PHF20: variants seen among roughly 807,000 people sequenced by gnomAD.
The protein encoded by PHF20 is PHD finger protein 20.
A neutral mutation model predicts 113.5 loss-of-function variants in PHF20; 23 were observed. The observed-to-expected ratio is 0.20, with a 90% CI of 0.15 to 0.29. The LOEUF is 0.29. Ranked by LOEUF, PHF20 falls within the 10% of genes least tolerant of loss-of-function variation. The pLI, the probability that PHF20 is intolerant of heterozygous loss-of-function variation, is 1.00. For synonymous variants in PHF20, 434 were observed against 457.3 expected (o/e 0.95, Z 0.65); for missense variants, 943 against 1,219.6 (o/e 0.77, Z 3.38).
At chr20:35,947,406 G>C in intron 17 of PHF20, 79 bp from the exon 18 acceptor site, 2 of 1,475,238 alleles carry the variant, frequency 1.4e-6, no homozygotes, top group Middle Eastern at 1.8e-4. Context: ...ATGGAATAAG[G>C]TGCTGAAATG....
chr20:35,913,267 A>C lies in PHF20; in HGVS notation c.1580A>C (p.Lys527Thr). 6.3e-7 allele frequency: 1 copy of C among 1,599,468 alleles called. No individual in the cohort carries two copies. The highest frequency in any genetic ancestry group is 8.5e-7 in the Non-Finnish European group (1 of 1,171,258). Residue 527 changes from lysine to threonine, a missense_variant, in exon 11 of 18, where the codon AAG becomes ACG. Transcript: ENST00000374012. ...ATTCTAGCTACAAAAGACAAGGAAA[A>C]GAATAAAGAGAAGAAATTCAAGGAG... ...ASSPTTKDKE[K>T]NKEKKFKEFV...
chr20:35,848,304 G>A (rs112905994), intron 4 of PHF20, among the ~76,000 whole-genome samples: 1,698 of 151,970 alleles, frequency 0.011, 23 homozygotes, highest in African/African-American at 0.038. Flanking sequence ...GTCTTGCTCT[G>A]TTGCCCAGGC....
At chr20:35,935,014 A>G (rs764900849) in intron 15 of PHF20, among the ~76,000 whole-genome samples, 11 of 151,702 alleles carry the variant, frequency 7.3e-5, no homozygotes, top group Non-Finnish European at 1.5e-4. Flanking sequence ...ACTTAGCTAT[A>G]TTTCTTTAAA....
intron 1 of PHF20, among the ~76,000 whole-genome samples, chr20:35,795,693 T>G (rs936854993): frequency 1.3e-5 from 2 of 152,158 alleles, no homozygotes; most frequent in Non-Finnish European, 2.9e-5. Context: ...GGTAAGAATC[T>G]GAACTCAGGA....
In PHF20 at chr20:35,841,135, A is replaced by G. The variant is rs146499957; in HGVS notation, c.84-1438A>G. On this transcript the variant is annotated intron_variant, in intron 2 of 17. Coordinates refer to ENST00000374012, the MANE Select transcript of PHF20 (RefSeq NM_016436.5). ...TATCCTGGGCAGATAGCTTGAGCCCAGGAGTTTGAGACCAGCCTGGGCAAC... is the reference window on the plus strand; with the variant it reads ...TATCCTGGGCAGATAGCTTGAGCCCGGGAGTTTGAGACCAGCCTGGGCAAC... Among the ~76,000 whole-genome samples the G allele has an allele frequency of 3.0e-4, 46 of 152,126 alleles. 1 individual carries two copies. Among genetic ancestry groups the G allele is most frequent in the African/African-American group, 1.0e-3 (42 of 41,520 alleles).
rs1043439540 is a variant in PHF20 at position 35,948,497 on chromosome 20, T to C, written c.*870T>C. 1.3e-5 allele frequency: 2 copies of C among 152,676 alleles called. No homozygotes were observed. Among genetic ancestry groups the C allele is most frequent in the Non-Finnish European group, 2.9e-5 (2 of 68,036 alleles). 9.5% of individuals were successfully genotyped at this position (152,676 alleles called of 1,614,324 possible). A position where few individuals can be genotyped will look rare whatever the true frequency, so the allele number is the denominator to read the frequency against. Reference sequence around the variant, plus strand: ...GTTACAAAGAATGTGGTTTGGGGAATTACCTTATTTTATATTGTTGTAAAC... The same window carrying C: ...GTTACAAAGAATGTGGTTTGGGGAACTACCTTATTTTATATTGTTGTAAAC... On this transcript the variant is annotated 3_prime_UTR_variant, in exon 18 of 18. Coordinates refer to ENST00000374012, the MANE Select transcript of PHF20 (RefSeq NM_016436.5).
At chr20:35,915,350 A>AAT (rs1014493941) in intron 12 of PHF20, among the ~76,000 whole-genome samples, 30 of 150,284 alleles carry the variant, frequency 2.0e-4, no homozygotes, top group African/African-American at 2.7e-4. Flanking sequence ...TATATTTTAA[A>AAT]ATATATATAT....
At chr20:35,826,999 A>G (rs1329785006) in intron 2 of PHF20, among the ~76,000 whole-genome samples, 2 of 152,216 alleles carry the variant, frequency 1.3e-5, no homozygotes, top group Non-Finnish European at 2.9e-5. Flanking sequence ...TTTTTACTAA[A>G]TATATCTTCC....
intron 9 of PHF20, among the ~76,000 whole-genome samples, chr20:35,876,950 C>A (rs1181254483): frequency 6.8e-6 from 1 of 147,564 alleles, no homozygotes; most frequent in Non-Finnish European, 1.5e-5. Context: ...ACTAAAAATA[C>A]AAAAAAATTG....
At chr20:35,924,500 A>G (rs990563130) in intron 13 of PHF20, among the ~76,000 whole-genome samples, 2 of 150,892 alleles carry the variant, frequency 1.3e-5, no homozygotes, top group Admixed American at 1.3e-4. Flanking sequence ...GGCCGCATGT[A>G]TAGTATTTTT....
At chr20:35,932,893 G>C (rs2055787979) in intron 15 of PHF20, among the ~76,000 whole-genome samples, 1 of 151,966 alleles carries the variant, frequency 6.6e-6, no homozygotes, top group Admixed American at 6.6e-5. Flanking sequence ...TCTACTTTCT[G>C]CCTCTCTGAA....
intron 4 of PHF20, among the ~76,000 whole-genome samples, chr20:35,854,086 C>A (rs2042787186): frequency 6.6e-6 from 1 of 152,156 alleles, no homozygotes; most frequent in Admixed American, 6.6e-5. Flanking sequence ...AAAAAAGAGG[C>A]CCTGGAATAT....
intron 9 of PHF20, among the ~76,000 whole-genome samples, chr20:35,894,087 G>T (rs1457841503): frequency 2.6e-5 from 4 of 152,214 alleles, no homozygotes; most frequent in African/African-American, 9.6e-5. Context: ...AATGTGAATA[G>T]TCATACTAGG....
intron 2 of PHF20, among the ~76,000 whole-genome samples, chr20:35,822,023 C>T (rs1353527173): frequency 6.6e-6 from 1 of 152,060 alleles, no homozygotes; most frequent in Non-Finnish European, 1.5e-5. Flanking sequence ...TATGAGATTC[C>T]TTTGAGATGA....
In PHF20 at chr20:35,947,548, C is replaced by T. The variant is rs760460775; in HGVS notation, c.2960C>T (p.Pro987Leu). The change falls in exon 18 of 18, where the codon CCG (proline) becomes CTG (leucine). Residue 987 changes from proline (P) to leucine (L), a missense_variant. Physicochemically the swap from Pro to Leu is moderately conservative, Grantham distance 98. Around this residue, in one of 3 missense-constraint regions of PHF20, gnomAD observed 349 missense variants for 412.3 expected, o/e 0.85. Transcript: ENST00000374012. The part of the protein sequence containing the change: ...LEPPEPLARL[P>L]QLKHCIKQLL... The stretch of plus-strand genomic sequence containing the variant: ...CCCCCTGAGCCGCTGGCCAGGCTTC[C>T]GCAGCTCAAGCATTGTATCAAGCAG... The T allele has an allele frequency of 9.9e-6, 16 of 1,613,996 alleles. No individual in the cohort carries two copies. The highest frequency in any genetic ancestry group is 2.2e-5 in the East Asian group (1 of 44,878).
chr20:35,868,342 G>T (rs1007724570), intron 6 of PHF20, among the ~76,000 whole-genome samples: 2 of 151,956 alleles, frequency 1.3e-5, no homozygotes, highest in Non-Finnish European at 2.9e-5. Flanking sequence ...GCTCACACCT[G>T]TAATCTCAGC....
intron 2 of PHF20, among the ~76,000 whole-genome samples, chr20:35,825,810 C>T (rs772730914): frequency 1.3e-5 from 2 of 152,130 alleles, no homozygotes. Flanking sequence ...TGCACTATAG[C>T]ACCCAGCTCT....
rs908542620 is a variant in PHF20, at chr20:35,947,705, C to T, written c.*78C>T. 4.1e-6 allele frequency: 6 copies of T among 1,446,756 alleles called. No homozygotes were observed. Among genetic ancestry groups the T allele is most frequent in the Non-Finnish European group, 5.7e-6 (6 of 1,046,786 alleles). 89.6% of individuals were successfully genotyped at this position (1,446,756 alleles called of 1,614,324 possible). ...AGCTTCGCATATTTAAATAAATAAA[C>T]CTAGCATGCTGAATGCACGTGACAC... On this transcript the variant is annotated 3_prime_UTR_variant, in exon 18 of 18. Transcript: ENST00000374012.
At chr20:35,847,228 A>G in intron 3 of PHF20, 122 bp from the exon 4 acceptor site, 1 of 620,946 alleles carries the variant, frequency 1.6e-6, no homozygotes, top group Non-Finnish European at 2.8e-6. Flanking sequence ...CCATCTCAAC[A>G]GCTACTTTCC....
Sources: gnomAD v4.1 joint callset for allele counts (sites outside exome capture counted in the v4.1 genomes callset) on GRCh38, gnomAD v4.1.1 for gene constraint, gnomAD v4.1.1 regional missense constraint, MANE v1.5 for transcripts, NCBI Gene and HGNC (gene_info 2026-07-23, HGNC 2026-07-21) for gene names.